Variants in WNK2 observed in about 807,000 individuals in gnomAD.
WNK2 encodes serine/threonine-protein kinase WNK2.
WNK2 carries 67 observed loss-of-function variants against 192.1 expected under a neutral mutation model. The observed-to-expected ratio is 0.35, with a 90% CI of 0.29 to 0.43. WNK2 has a LOEUF of 0.43. WNK2 is among the 20% of genes least tolerant of loss of function. The probability of loss-of-function intolerance (pLI) is 1.00; values close to 1 mark genes in which losing one functional copy is unlikely to be tolerated. For synonymous variants in WNK2, 1,439 were observed against 1,393.9 expected, an observed-to-expected ratio of 1.03 and a Z score of -0.72; for missense variants, 2,698 against 3,089.7, an observed-to-expected ratio of 0.87 and a Z score of 3.01.
chr9:93,301,946 G>A (rs1446949175), intron 26 of WNK2, among the ~76,000 whole-genome samples: 1 of 152,216 alleles, frequency 6.6e-6, no homozygotes, highest in Non-Finnish European at 1.5e-5. Flanking sequence ...GAGAGCCCAG[G>A]TGGGCCTCTG....
chr9:93,256,981 C>G lies in WNK2; in HGVS notation c.2224C>G (p.Gln742Glu), dbSNP rs1366703835. The G allele has an allele frequency of 6.3e-7, 1 of 1,591,730 alleles. No individual in the cohort carries two copies. The highest frequency in any genetic ancestry group is 1.3e-5 in the African/African-American group (1 of 74,602). Reference protein sequence around the residue: ...PPLAQPTPLPQVLAPQPVVPL... With the variant: ...PPLAQPTPLPEVLAPQPVVPL... ...GCTGGCCCAGCCGACACCCCTGCCG[C>G]AGGTCCTGGCCCCACAGCCCGTGGT... The change falls in exon 11 of 30, where the codon CAG (glutamine) becomes GAG (glutamate). Residue 742 changes from glutamine to glutamate, a missense_variant. Physicochemically the swap from Gln to Glu is conservative, Grantham distance 29. Coordinates refer to ENST00000427277, the MANE Select transcript of WNK2 (RefSeq NM_006648.4).
intron 19 of WNK2, chr9:93,268,992 A>G: frequency 6.6e-7 from 1 of 1,515,960 alleles, no homozygotes; most frequent in East Asian, 2.5e-5. Context: ...GGTGGCTCGC[A>G]TGGCCATATA....
intron 2 of WNK2, among the ~76,000 whole-genome samples, chr9:93,188,159 T>G (rs1009732075): frequency 6.6e-6 from 1 of 152,126 alleles, no homozygotes; most frequent in African/African-American, 2.4e-5. Context: ...TTGGCCTCTA[T>G]CCCTTTCTTC....
intron 2 of WNK2, among the ~76,000 whole-genome samples, chr9:93,205,147 T>C (rs1563981747): frequency 6.6e-6 from 1 of 152,192 alleles, no homozygotes; most frequent in Non-Finnish European, 1.5e-5. Flanking sequence ...TTGAGCATAC[T>C]ACCTCCTCCT....
intron 5 of WNK2, among the ~76,000 whole-genome samples, chr9:93,235,811 G>C (rs1239018890): frequency 2.6e-5 from 4 of 152,230 alleles, no homozygotes; most frequent in African/African-American, 9.6e-5. Context: ...TGCTCTGCGG[G>C]GCCATGGCTG....
At chr9:93,212,306 G>A (rs1267660622) in intron 2 of WNK2, among the ~76,000 whole-genome samples, 1 of 152,222 alleles carries the variant, frequency 6.6e-6, no homozygotes, top group African/African-American at 2.4e-5. Flanking sequence ...GTCATGCATA[G>A]AGTGGATTCT....
At chr9:93,315,429 C>T (rs1007246602) in intron 28 of WNK2, 1 of 152,238 alleles carries the variant, frequency 6.6e-6, no homozygotes, top group Non-Finnish European at 1.5e-5. Context: ...GCTGTGGGCT[C>T]CGTCTTCAGC....
Position 93,288,824 on chromosome 9 carries a change from A to C in WNK2, c.4070A>C (p.Glu1357Ala), listed in dbSNP as rs753392664. ...APYKDQLSSK[E>A]QPSFLASQQL... The stretch of plus-strand genomic sequence containing the variant: ...TATAAAGACCAGCTGTCCTCGAAGG[A>C]ACAACCCAGCTTTCTAGCCAGTCAG... Residue 1357 changes from glutamate to alanine, a missense_variant, in exon 20 of 30, where the codon GAA becomes GCA. Coordinates refer to ENST00000427277, the MANE Select transcript of WNK2 (RefSeq NM_006648.4). 1.9e-6 allele frequency: 3 copies of C among 1,612,204 alleles called. No homozygotes were observed. In the African/African-American group the frequency reaches 4.0e-5, roughly 22 times the overall value.
At chr9:93,244,442 T>C (rs940029114) in intron 7 of WNK2, among the ~76,000 whole-genome samples, 4 of 152,200 alleles carry the variant, frequency 2.6e-5, no homozygotes, top group African/African-American at 9.6e-5. Flanking sequence ...GCACTCACCA[T>C]GGCTAAATGT....
chr9:93,259,559 C>T lies in WNK2; in HGVS notation c.3011C>T (p.Pro1004Leu). 6.3e-7 allele frequency: 1 copy of T among 1,594,312 alleles called. No individual in the cohort carries two copies. The highest frequency in any genetic ancestry group is 1.1e-5 in the South Asian group (1 of 89,990). ...CCGGCACTGCCTGTGCGCCCTGAGC[C>T]CCTCCAGCCCCACCTTCCTGAACAA... Reference protein sequence around the residue: ...PQPALPVRPEPLQPHLPEQAA... With the variant: ...PQPALPVRPELLQPHLPEQAA... Residue 1004 changes from proline (P) to leucine (L), a missense_variant, in exon 12 of 30, where the codon CCC becomes CTC. Coordinates refer to ENST00000427277, the MANE Select transcript of WNK2 (RefSeq NM_006648.4). This position sits in a 1 kb window ranked among gnomAD's most constrained non-coding sequence, Gnocchi z 4.8.
chr9:93,208,953 C>T (rs1833983176), intron 2 of WNK2, among the ~76,000 whole-genome samples: 1 of 152,146 alleles, frequency 6.6e-6, no homozygotes, highest in African/African-American at 2.4e-5. Flanking sequence ...TCTGATGGTG[C>T]CTTGGTGACC....
At chr9:93,244,465 G>A (rs1050312311) in intron 7 of WNK2, among the ~76,000 whole-genome samples, 4 of 151,928 alleles carry the variant, frequency 2.6e-5, no homozygotes, top group African/African-American at 9.7e-5. Flanking sequence ...TCCTGTTTGG[G>A]AAAAAAAATA....
intron 24 of WNK2, among the ~76,000 whole-genome samples, chr9:93,298,279 G>A (rs184334082): frequency 2.2e-4 from 33 of 152,374 alleles, no homozygotes; most frequent in African/African-American, 5.3e-4. Context: ...GGCAAGGCCC[G>A]TGAGTGGGCA....
chr9:93,236,464 AG>A, intron 5 of WNK2, among the ~76,000 whole-genome samples: 1 of 152,346 alleles, frequency 6.6e-6, no homozygotes, highest in South Asian at 2.1e-4. Flanking sequence ...AAGCTTTTGA[AG>A]GCTAAATCGT....
intron 2 of WNK2, among the ~76,000 whole-genome samples, chr9:93,191,696 G>A (rs58965550): frequency 0.07 from 10,628 of 152,088 alleles, 574 homozygotes; most frequent in African/African-American, 0.15. Flanking sequence ...GCATTTGAAG[G>A]TGGAGAGCAC....
chr9:93,219,824 T>C (rs1270655032), intron 2 of WNK2, among the ~76,000 whole-genome samples: 2 of 152,260 alleles, frequency 1.3e-5, no homozygotes, highest in Non-Finnish European at 2.9e-5. Flanking sequence ...CTTCCTCGCT[T>C]GGGCTCTGTC....
intron 29 of WNK2, chr9:93,319,488 G>C: frequency 2.3e-6 from 2 of 856,106 alleles, no homozygotes; most frequent in Non-Finnish European, 1.4e-6. Flanking sequence ...TAGCTGGCTG[G>C]GCTGCCCACC....
At chr9:93,249,953 C>T (rs1842322078) in intron 8 of WNK2, among the ~76,000 whole-genome samples, 1 of 116,568 alleles carries the variant, frequency 8.6e-6, no homozygotes, top group East Asian at 2.8e-4. Context: ...CTCGCTCTGT[C>T]TCCAGGCTGG....
At chr9:93,220,297 C>G (rs1385739296) in intron 2 of WNK2, among the ~76,000 whole-genome samples, 1 of 152,158 alleles carries the variant, frequency 6.6e-6, no homozygotes, top group Admixed American at 6.5e-5. Flanking sequence ...AGGTTCCACC[C>G]CGTCTCTCTG....
Sources: gnomAD v4.1 joint callset for allele counts (sites outside exome capture counted in the v4.1 genomes callset) on GRCh38, gnomAD v4.1.1 for gene constraint, Gnocchi (gnomAD v3.1) non-coding constraint, MANE v1.5 for transcripts, NCBI Gene and HGNC (gene_info 2026-07-23, HGNC 2026-07-21) for gene names.